SMURF1: variants seen among roughly 807,000 people sequenced by gnomAD.
SMURF1 encodes SMAD specific E3 ubiquitin protein ligase 1.
SMURF1 carries 44 observed loss-of-function variants against 98.0 expected under a neutral mutation model. The observed-to-expected ratio is 0.45, with a 90% confidence interval of 0.35 to 0.58. The LOEUF is 0.58. SMURF1 is among the 20% of genes least tolerant of loss of function. The pLI is 0.00. For missense variants in SMURF1, 687 were observed against 938.4 expected (o/e 0.73, Z 3.50); for synonymous variants, 396 against 374.9 (o/e 1.06, Z -0.65).
chr7:99,080,818 T>C (rs1347289129), intron 1 of SMURF1, among the ~76,000 whole-genome samples: 7 of 152,204 alleles, frequency 4.6e-5, no homozygotes, highest in Non-Finnish European at 8.8e-5. Flanking sequence ...CTCCTTTTCC[T>C]GTCCTTCCAG....
intron 1 of SMURF1, among the ~76,000 whole-genome samples, chr7:99,087,430 C>T (rs1449198460): frequency 1.3e-5 from 2 of 152,116 alleles, no homozygotes; most frequent in African/African-American, 2.4e-5. Context: ...TGAAGACTTA[C>T]AGAAGTGGCA....
chr7:99,052,335 G>C lies in SMURF1; in HGVS notation c.591C>G (p.Phe197Leu). The part of the protein sequence containing the change: ...GAAAGGGNCR[F>L]VESPSQDQRL... ...TTTGATCTTGACTTGGGGACTCCAC[G>C]AACCTGCAATTCCCTCCTCCAGCAG... Residue 197 changes from phenylalanine (F) to leucine (L), a missense_variant, in exon 7 of 18, where the codon TTC (phenylalanine) becomes TTG (leucine). Physicochemically the swap from Phe to Leu is conservative, Grantham distance 22. Coordinates refer to ENST00000361368, the MANE Select transcript of SMURF1 (RefSeq NM_181349.3). 1 of 1,612,678 alleles carries C rather than the reference G, an allele frequency of 6.2e-7. No homozygotes were observed. Among genetic ancestry groups the C allele is most frequent in the East Asian group, 2.2e-5 (1 of 44,852 alleles).
chr7:99,030,395 G>A lies in SMURF1; in HGVS notation c.*189C>T. 1 of 590,136 alleles carries A rather than the reference G, an allele frequency of 1.7e-6. No individual in the cohort carries two copies. Among genetic ancestry groups the A allele is most frequent in the South Asian group, 2.0e-5 (1 of 50,732 alleles). The allele number at this position is 590,136 out of a possible 1,614,324, so 36.6% of individuals were successfully genotyped here. ...GGTGGGAGTACTATGGTAAAGGAGG[G>A]ATATATGGGTGGGAGCCACCAACAA... On this transcript the variant is annotated 3_prime_UTR_variant, in exon 18 of 18. Coordinates refer to ENST00000361368, the MANE Select transcript of SMURF1 (RefSeq NM_181349.3).
intron 1 of SMURF1, among the ~76,000 whole-genome samples, chr7:99,088,739 G>A (rs116434951): frequency 1.2e-3 from 190 of 152,284 alleles, no homozygotes; most frequent in African/African-American, 4.5e-3. Context: ...TCAAAGGGCA[G>A]GTAAGTTTTG....
At chr7:99,100,573 A>C (rs138113136) in intron 1 of SMURF1, among the ~76,000 whole-genome samples, 1 of 152,312 alleles carries the variant, frequency 6.6e-6, no homozygotes, top group East Asian at 1.9e-4. Context: ...ACAAAAATAA[A>C]AAAATAAAAA....
chr7:99,041,664 CTG>C (rs1482304277), intron 12 of SMURF1, among the ~76,000 whole-genome samples: 1 of 152,228 alleles, frequency 6.6e-6, no homozygotes, highest in African/African-American at 2.4e-5. Flanking sequence ...CACCCTTGAG[CTG>C]GGCGTGCAAA....
At chr7:99,074,436 T>C (rs1796405441) in intron 1 of SMURF1, among the ~76,000 whole-genome samples, 1 of 152,144 alleles carries the variant, frequency 6.6e-6, no homozygotes, top group Non-Finnish European at 1.5e-5. Flanking sequence ...GGAAAAAAGA[T>C]AGCCTTGTCT....
At chr7:99,138,159 T>C (rs770305120) in intron 1 of SMURF1, among the ~76,000 whole-genome samples, 72 of 151,090 alleles carry the variant, frequency 4.8e-4, no homozygotes, top group African/African-American at 7.4e-5. Context: ...GCCTCTAAAA[T>C]GGTTTTGAAA....
intron 1 of SMURF1, among the ~76,000 whole-genome samples, chr7:99,076,841 ATG>A (rs1051075042): frequency 2.6e-4 from 16 of 62,566 alleles, no homozygotes; most frequent in Non-Finnish European, 3.9e-4. Context: ...GCCCATGTGT[ATG>A]TGTGTGCACG....
chr7:99,120,983 T>C (rs758445960), intron 1 of SMURF1, among the ~76,000 whole-genome samples: 1 of 151,886 alleles, frequency 6.6e-6, no homozygotes, highest in Admixed American at 6.6e-5. Context: ...ATAAGGAAGA[T>C]GGATTTTCTT....
At chr7:99,066,784 G>GAAAAAAAA (rs111395590) in intron 1 of SMURF1, among the ~76,000 whole-genome samples, 2 of 92,530 alleles carry the variant, frequency 2.2e-5, no homozygotes, top group Non-Finnish European at 2.3e-5. Context: ...GTCTCAAAAA[G>GAAAAAAAA]AAAAAAAAAA....
At chr7:99,074,182 C>CTT (rs1796398781) in intron 1 of SMURF1, among the ~76,000 whole-genome samples, 1 of 151,882 alleles carries the variant, frequency 6.6e-6, no homozygotes, top group African/African-American at 2.4e-5. Flanking sequence ...AGTGATTATC[C>CTT]TTTAGCAGGA....
intron 12 of SMURF1, 50 bp downstream of exon 12, chr7:99,042,067 CT>C: frequency 6.9e-7 from 1 of 1,439,912 alleles, no homozygotes; most frequent in Non-Finnish European, 9.8e-7. Flanking sequence ...GAAAATCCAT[CT>C]CAAAACTTCT....
chr7:99,075,489 G>T (rs968992346), intron 1 of SMURF1, among the ~76,000 whole-genome samples: 7 of 152,188 alleles, frequency 4.6e-5, no homozygotes, highest in African/African-American at 1.4e-4. Flanking sequence ...CCTTTGATTT[G>T]CAACTCATGG....
Position 99,073,765 on chromosome 7 carries a change from C to CA in SMURF1, c.56-11929dup, listed in dbSNP as rs764379109. Among the ~76,000 whole-genome samples, 560 of 102,010 alleles carry CA rather than the reference C, an allele frequency of 5.5e-3. 1 individual carries two copies. The highest frequency in any genetic ancestry group is 0.022 in the Middle Eastern group (4 of 178). 66.9% of individuals were successfully genotyped at this position (102,010 alleles called of 152,430 possible). ...TGGGTGACAGAGTGAGATTCCATCT[C>CA]AAAAAAAAAAAAAAAATTGGTCATG... is the stretch of plus-strand genomic sequence containing the variant. On this transcript the variant is annotated intron_variant, in intron 1 of 17. Transcript: ENST00000361368.
intron 12 of SMURF1, among the ~76,000 whole-genome samples, chr7:99,041,394 T>A (rs960792541): frequency 6.6e-6 from 1 of 151,828 alleles, no homozygotes; most frequent in Non-Finnish European, 1.5e-5. Context: ...ACAGCGAGAC[T>A]CTCTCTCAAA....
chr7:99,043,773 T>C (rs1795473593), intron 11 of SMURF1, among the ~76,000 whole-genome samples: 1 of 152,198 alleles, frequency 6.6e-6, no homozygotes, highest in South Asian at 2.1e-4. Flanking sequence ...AGTTTGACTC[T>C]CTTGGAAGAT....
intron 16 of SMURF1, among the ~76,000 whole-genome samples, chr7:99,033,589 G>A (rs1245329046): frequency 4.6e-5 from 7 of 152,204 alleles, no homozygotes; most frequent in African/African-American, 1.7e-4. Context: ...GATTACAGGC[G>A]TGAGCCACCA....
chr7:99,124,463 G>A (rs909468708), intron 1 of SMURF1, among the ~76,000 whole-genome samples: 1 of 152,206 alleles, frequency 6.6e-6, no homozygotes, highest in Admixed American at 6.5e-5. Context: ...CTTTGGGCAT[G>A]AAGGCTGCAC....
Sources: allele counts gnomAD v4.1 joint callset (sites outside exome capture counted in the v4.1 genomes callset), GRCh38; gene constraint gnomAD v4.1.1; transcripts MANE v1.5; gene names NCBI Gene and HGNC (gene_info 2026-07-23, HGNC 2026-07-21).